Variants in SPPL2A observed in about 807,000 individuals in gnomAD.
The protein encoded by SPPL2A is signal peptide peptidase like 2A.
In SPPL2A, 51 loss-of-function variants were observed where a neutral mutation model predicts 63.8. The observed-to-expected ratio is 0.80, with a 90% CI of 0.64 to 1.01. The LOEUF is 1.01. SPPL2A is among the 50% of genes least tolerant of loss of function. The pLI is 0.00. For missense variants in SPPL2A, 553 were observed against 622.7 expected, an observed-to-expected ratio of 0.89 and a Z score of 1.19; for synonymous variants, 188 against 205.8, an observed-to-expected ratio of 0.91 and a Z score of 0.74.
chr15:50,726,953 A>G (rs960750433), intron 10 of SPPL2A, among the ~76,000 whole-genome samples: 2 of 152,176 alleles, frequency 1.3e-5, no homozygotes, highest in African/African-American at 4.8e-5. Flanking sequence ...CTCTCATCCA[A>G]TTTCAGCCCT....
At chr15:50,730,906 G>A in intron 10 of SPPL2A, 59 bp downstream of exon 10, 1 of 740,198 alleles carries the variant, frequency 1.4e-6, no homozygotes, top group South Asian at 1.5e-5. Context: ...TCTAGGAGCA[G>A]ATTTAAGATG....
intron 11 of SPPL2A, 48 bp from the exon 12 acceptor site, chr15:50,725,371 A>C: frequency 2.0e-6 from 2 of 1,010,080 alleles, no homozygotes; most frequent in Non-Finnish European, 3.0e-6. Context: ...AAAAAACAAA[A>C]CAGAGGCCGC....
At chr15:50,709,602 C>G (rs908224651) in intron 14 of SPPL2A, among the ~76,000 whole-genome samples, 3 of 151,980 alleles carry the variant, frequency 2.0e-5, no homozygotes, top group African/African-American at 7.2e-5. Flanking sequence ...CCAGCCTGGC[C>G]AACATGGTGA....
chr15:50,739,834 C>A lies in SPPL2A; in HGVS notation c.585-6G>T. The A allele has an allele frequency of 6.3e-7, 1 of 1,586,494 alleles. No homozygotes were observed. Among genetic ancestry groups the A allele is most frequent in the Non-Finnish European group, 8.5e-7 (1 of 1,171,942 alleles). On this transcript the variant is annotated splice_polypyrimidine_tract_variant and splice_region_variant and intron_variant, in intron 5 of 14. Transcript: ENST00000261854. ...TCACTGCTTTCAAGTTTTCCCTGTA[C>A]AAACACACAGGAACTTTAGCAAATC...
chr15:50,713,409 C>T (rs1203012216), intron 14 of SPPL2A, among the ~76,000 whole-genome samples: 6 of 151,720 alleles, frequency 4.0e-5, no homozygotes, highest in Non-Finnish European at 7.4e-5. Context: ...GGACTACAGG[C>T]GCCTGCCACC....
chr15:50,756,988 C>T (rs951736344), intron 1 of SPPL2A, among the ~76,000 whole-genome samples: 2 of 152,214 alleles, frequency 1.3e-5, no homozygotes, highest in Middle Eastern at 3.4e-3. Flanking sequence ...TCTCTGCATT[C>T]GCTGTTAACT....
intron 9 of SPPL2A, 150 bp downstream of exon 9, chr15:50,732,453 T>G (rs1209245909): frequency 1.6e-5 from 9 of 561,562 alleles, no homozygotes; most frequent in Non-Finnish European, 2.2e-5. Context: ...ACAACTTCAC[T>G]GGGATAGTGG....
At chr15:50,749,565 C>T (rs946690627) in intron 2 of SPPL2A, 71 bp downstream of exon 2, 13 of 995,440 alleles carry the variant, frequency 1.3e-5, no homozygotes, top group Admixed American at 3.4e-5. Flanking sequence ...GGATTACAGG[C>T]ATGAGCCACC....
At chr15:50,733,515 C>A (rs1567157973) in intron 8 of SPPL2A, among the ~76,000 whole-genome samples, 2 of 151,972 alleles carry the variant, frequency 1.3e-5, no homozygotes, top group African/African-American at 4.8e-5. Context: ...AATATCAAAT[C>A]AAAGTGGATT....
rs957470541 is a variant in SPPL2A at position 50,703,890 on chromosome 15, G to C, written c.*3910C>G. On this transcript the variant is annotated 3_prime_UTR_variant, in exon 15 of 15. Transcript: ENST00000261854. ...CTAAAGCATAAATTGAAAGAGCAAA[G>C]AAAACTGGAAAGCTCATTTGTATTT... 1 of 151,972 alleles carries C rather than the reference G, an allele frequency of 6.6e-6. No homozygotes were observed. Among genetic ancestry groups the C allele is most frequent in the African/African-American group, 2.4e-5 (1 of 41,382 alleles). 9.4% of individuals were successfully genotyped at this position (151,972 alleles called of 1,614,324 possible).
chr15:50,720,607 C>CCTCCTGGGTTCAAGCAATT (rs1385774827), intron 13 of SPPL2A, among the ~76,000 whole-genome samples: 2 of 150,230 alleles, frequency 1.3e-5, no homozygotes, highest in African/African-American at 4.9e-5. Context: ...GCAACCTCTG[C>CCTCCTGGGTTCAAGCAATT]CTCCTGGGTT....
rs1480691812 is a variant in SPPL2A at position 50,705,519 on chromosome 15, G to A, written c.*2281C>T. On this transcript the variant is annotated 3_prime_UTR_variant, in exon 15 of 15. Transcript: ENST00000261854. ...TTTTATTATTATAAATGAAAATACA[G>A]AGTTTTAAAACGGCACTTAATCTGT... is the stretch of plus-strand genomic sequence containing the variant. 1 of 152,048 alleles carries A rather than the reference G, an allele frequency of 6.6e-6. No individual in the cohort carries two copies. Among genetic ancestry groups the A allele is most frequent in the Non-Finnish European group, 1.5e-5 (1 of 68,014 alleles). The allele number at this position is 152,048 out of a possible 1,614,324, so 9.4% of individuals were successfully genotyped here.
At chr15:50,765,325 G>A (rs1358867291) in intron 1 of SPPL2A, 143 bp downstream of exon 1, 1 of 537,304 alleles carries the variant, frequency 1.9e-6, no homozygotes, top group Non-Finnish European at 3.2e-6. Context: ...GGAAAGAGGA[G>A]GGGAGGAAAG....
intron 5 of SPPL2A, among the ~76,000 whole-genome samples, chr15:50,745,836 A>C (rs1203631962): frequency 2.7e-5 from 4 of 149,282 alleles, no homozygotes; most frequent in Admixed American, 2.7e-4. Context: ...AGATCACCTG[A>C]GGTCAGGAGT....
At chr15:50,751,641 T>G (rs1470718751) in intron 1 of SPPL2A, among the ~76,000 whole-genome samples, 4 of 152,184 alleles carry the variant, frequency 2.6e-5, no homozygotes, top group Non-Finnish European at 5.9e-5. Context: ...TTATGTTTGA[T>G]GAGTAAGTAA....
chr15:50,754,672 T>A (rs922926843), intron 1 of SPPL2A, among the ~76,000 whole-genome samples: 1 of 152,168 alleles, frequency 6.6e-6, no homozygotes, highest in Non-Finnish European at 1.5e-5. Flanking sequence ...AAAGACTTCC[T>A]AGCAAAAACT....
chr15:50,721,754 G>A (rs1035835272), intron 13 of SPPL2A, among the ~76,000 whole-genome samples: 20 of 151,862 alleles, frequency 1.3e-4, no homozygotes, highest in Non-Finnish European at 2.9e-5. Context: ...ACAGGTGCGT[G>A]CCACCACGCC....
chr15:50,760,977 A>T (rs1269330272), intron 1 of SPPL2A, among the ~76,000 whole-genome samples: 2 of 151,342 alleles, frequency 1.3e-5, no homozygotes, highest in African/African-American at 4.9e-5. Context: ...TGAAGAAAAA[A>T]AAATCAACAA....
chr15:50,714,690 C>T (rs1285364467), intron 14 of SPPL2A, among the ~76,000 whole-genome samples: 1 of 151,576 alleles, frequency 6.6e-6, no homozygotes, highest in East Asian at 1.9e-4. Flanking sequence ...GCCTGTAATC[C>T]CAGCACTTTG....
Sources: gnomAD v4.1 joint callset for allele counts (sites outside exome capture counted in the v4.1 genomes callset) on GRCh38, gnomAD v4.1.1 for gene constraint, MANE v1.5 for transcripts, NCBI Gene and HGNC (gene_info 2026-07-23, HGNC 2026-07-21) for gene names.